MICALL2: variants seen among roughly 807,000 people sequenced by gnomAD.
The protein encoded by MICALL2 is MICAL-like protein 2.
MICALL2 carries 111 observed loss-of-function variants against 91.1 expected under a neutral mutation model. The observed-to-expected ratio is 1.22, with a 90% CI of 1.04 to 1.43. MICALL2 has a LOEUF of 1.43. Among genes scored for constraint, MICALL2 ranks in the 40% most tolerant of loss-of-function variants. The probability of loss-of-function intolerance (pLI) is 0.00; values close to 1 mark genes in which losing one functional copy is unlikely to be tolerated. For synonymous variants in MICALL2, 694 were observed against 525.3 expected, an observed-to-expected ratio of 1.32 and a Z score of -4.39; for missense variants, 1,556 against 1,236.0, an observed-to-expected ratio of 1.26 and a Z score of -3.88.
In MICALL2 at chr7:1,452,786, G is replaced by A. The variant is rs953003677; in HGVS notation, c.144-2498C>T. ...GGTCTGGGCTGCGAGTTCAAGCATC[G>A]CGGCCTCAGGATGAGGTTCAAGCTG... is the stretch of plus-strand genomic sequence containing the variant. On this transcript the variant is annotated intron_variant, in intron 1 of 16. Coordinates refer to ENST00000297508, the MANE Select transcript of MICALL2 (RefSeq NM_182924.4). This position sits in a 1 kb window ranked among gnomAD's most constrained non-coding sequence, Gnocchi z 6.2. Among the ~76,000 whole-genome samples, 8 of 152,126 alleles carry A rather than the reference G, an allele frequency of 5.3e-5. No homozygotes were observed. The highest frequency in any genetic ancestry group is 2.1e-4 in the South Asian group (1 of 4,832).
In MICALL2 at chr7:1,436,767, C is replaced by A; in HGVS notation, c.2566G>T (p.Asp856Tyr). The stretch of plus-strand genomic sequence containing the variant: ...CGGAGCCGGTCCTCGTCCAGCGAGT[C>A]CACGATGTCACTGCGGTCGTTCACG... ...STVNDRSDIVDSLDEDRLREQ... is the reference protein window; with the variant it reads ...STVNDRSDIVYSLDEDRLREQ... Residue 856 changes from aspartate (D) to tyrosine (Y), a missense_variant, in exon 15 of 17, where the codon GAC (aspartate) becomes TAC (tyrosine). By Grantham distance (160) the Asp-to-Tyr change is radical. Transcript: ENST00000297508. 1 of 1,608,296 alleles carries A rather than the reference C, an allele frequency of 6.2e-7. No individual in the cohort carries two copies. Among genetic ancestry groups the A allele is most frequent in the Non-Finnish European group, 8.5e-7 (1 of 1,178,444 alleles).
rs560184581 is a variant in MICALL2, at chr7:1,434,781, C to T, written c.2639-109G>A. 4.8e-4 allele frequency: 554 copies of T among 1,163,712 alleles called. 2 individuals carry two copies. The African/African-American group carries it at 6.7e-3, about 14-fold the overall frequency. 72.1% of individuals were successfully genotyped at this position (1,163,712 alleles called of 1,614,324 possible). A position where few individuals can be genotyped will look rare whatever the true frequency, so the allele number is the denominator to read the frequency against. On this transcript the variant is annotated intron_variant, in intron 16 of 16. Transcript: ENST00000297508. ...TCCTTCCCTTCCACTGGCCACAATC[C>T]GCCCTGGGCCTCCGAGCCTGCAGGA...
rs564656782 is a variant in MICALL2 at position 1,446,901 on chromosome 7, G to A, written c.526-73C>T. On this transcript the variant is annotated intron_variant, in intron 4 of 16. Coordinates refer to ENST00000297508, the MANE Select transcript of MICALL2 (RefSeq NM_182924.4). ...CCCTCCTGGTGGCAGCCCACAGGTGGCCGGAAGAGCCCATCTTACAGATGG... is the reference window on the plus strand; with the variant it reads ...CCCTCCTGGTGGCAGCCCACAGGTGACCGGAAGAGCCCATCTTACAGATGG... 695 of 1,048,384 alleles carry A rather than the reference G, an allele frequency of 6.6e-4. 2 individuals carry two copies. The highest frequency in any genetic ancestry group is 9.0e-4 in the Non-Finnish European group (657 of 727,004). 64.9% of individuals were successfully genotyped at this position (1,048,384 alleles called of 1,614,324 possible).
At chr7:1,435,578 G>A (rs901579074) in intron 15 of MICALL2, among the ~76,000 whole-genome samples, 19 of 152,182 alleles carry the variant, frequency 1.2e-4, no homozygotes, top group African/African-American at 2.4e-4. Flanking sequence ...GAAGGGCCTC[G>A]GCCGACCCAT....
At chr7:1,457,076 C>G (rs1584239471) in intron 1 of MICALL2, among the ~76,000 whole-genome samples, 1 of 152,292 alleles carries the variant, frequency 6.6e-6, no homozygotes, top group Middle Eastern at 3.4e-3. Context: ...CCTGCCTCTT[C>G]CAGCCCAGGA....
intron 6 of MICALL2, among the ~76,000 whole-genome samples, chr7:1,442,940 C>CGCCAGACACACAGACACAGG (rs1337416942): frequency 3.3e-5 from 5 of 152,118 alleles, no homozygotes; most frequent in African/African-American, 4.8e-5. Context: ...TCTCTGGCCC[C>CGCCAGACACACAGACACAGG]GCCAGACACA....
Position 1,459,466 on chromosome 7 carries a change from G to A in MICALL2, c.-140C>T, listed in dbSNP as rs888578218. Reference sequence around the variant, plus strand: ...CACGGCGCCCAGCCCCAGCTGAGCCGGACTGAGGGCGACGAGTGCCGGGTC... The same window carrying A: ...CACGGCGCCCAGCCCCAGCTGAGCCAGACTGAGGGCGACGAGTGCCGGGTC... On this transcript the variant is annotated 5_prime_UTR_variant, in exon 1 of 17. Coordinates refer to ENST00000297508, the MANE Select transcript of MICALL2 (RefSeq NM_182924.4). 1.6e-4 allele frequency: 119 copies of A among 755,304 alleles called. No homozygotes were observed. In the East Asian group the frequency reaches 3.6e-3, roughly 23 times the overall value. 46.8% of individuals were successfully genotyped at this position (755,304 alleles called of 1,614,324 possible). A position where few individuals can be genotyped will look rare whatever the true frequency, so the allele number is the denominator to read the frequency against.
At position 1,436,791 on chromosome 7, in the gene MICALL2, C is replaced by T. The variant is rs762748741; in HGVS notation, c.2542G>A (p.Val848Met). The T allele has an allele frequency of 4.4e-6, 7 of 1,608,712 alleles. No homozygotes were observed. Among genetic ancestry groups the T allele is most frequent in the South Asian group, 3.3e-5 (3 of 90,782 alleles). ...QELLEQYVST[V>M]NDRSDIVDSL... The stretch of plus-strand genomic sequence containing the variant: ...TCCACGATGTCACTGCGGTCGTTCA[C>T]GGTGCTCACGTACTGCTCCAGCAGC... The change falls in exon 15 of 17, where the codon GTG becomes ATG. Residue 848 changes from valine to methionine, a missense_variant. Coordinates refer to ENST00000297508, the MANE Select transcript of MICALL2 (RefSeq NM_182924.4).
Position 1,440,649 on chromosome 7 carries a change from C to G in MICALL2, c.1747G>C (p.Gly583Arg). The change falls in exon 8 of 17, where the codon GGG becomes CGG. Residue 583 changes from glycine to arginine, a missense_variant. Physicochemically the swap from Gly to Arg is moderately radical, Grantham distance 125. Coordinates refer to ENST00000297508, the MANE Select transcript of MICALL2 (RefSeq NM_182924.4). ...STSLQEGQEDGPAGWRANLKP... is the reference protein window; with the variant it reads ...STSLQEGQEDRPAGWRANLKP... Reference sequence around the variant, plus strand: ...AGATTCGCTCTCCATCCTGCCGGCCCGTCCTCCTGGCCTTCCTGGAGGCTG... The same window carrying G: ...AGATTCGCTCTCCATCCTGCCGGCCGGTCCTCCTGGCCTTCCTGGAGGCTG... 1 of 1,612,598 alleles carries G rather than the reference C, an allele frequency of 6.2e-7. No individual in the cohort carries two copies.
Position 1,445,344 on chromosome 7 carries a change from G to A in MICALL2, c.726C>T (p.Leu242=). Residue 242 remains leucine (L), a synonymous_variant, in exon 6 of 17, where the codon CTC becomes CTT. Transcript: ENST00000297508. ...EPGTFVCTSH[L]PAAASASPKL... ...TGGGGCTTGCAGAGGCGGCTGCGGG[G>A]AGGTGGCTGGTGCAGACGAAGGTGC... 6.2e-7 allele frequency: 1 copy of A among 1,603,248 alleles called. No individual in the cohort carries two copies. The highest frequency in any genetic ancestry group is 2.2e-5 in the East Asian group (1 of 44,684).
Position 1,445,222 on chromosome 7 carries a change from C to A in MICALL2, c.848G>T (p.Arg283Ile). The A allele has an allele frequency of 1.9e-6, 3 of 1,610,146 alleles. No individual in the cohort carries two copies. The highest frequency in any genetic ancestry group is 2.5e-6 in the Non-Finnish European group (3 of 1,178,912). Residue 283 changes from arginine (R) to isoleucine (I), a missense_variant, in exon 6 of 17, where the codon AGA becomes ATA. Transcript: ENST00000297508. ...CGCAGCAGGCTCCCAGGCCGACGGT[C>A]TGGCCTTGTTTGCCTCCTGGGCCTT... ...PQKAQEANKA[R>I]PSAWEPAAGN...
At chr7:1,440,950 C>T (rs1214607682) in intron 7 of MICALL2, 13 of 478,632 alleles carry the variant, frequency 2.7e-5, no homozygotes, top group South Asian at 4.1e-5. Flanking sequence ...TGGGTGGGGA[C>T]GTGGCAGGGT....
chr7:1,457,106 C>T (rs1036314712), intron 1 of MICALL2, among the ~76,000 whole-genome samples: 2 of 152,170 alleles, frequency 1.3e-5, no homozygotes, highest in African/African-American at 4.8e-5. Flanking sequence ...CTTGTGGCTG[C>T]ACCTCTCTGA....
chr7:1,436,109 G>A (rs949385426), intron 15 of MICALL2, among the ~76,000 whole-genome samples: 2 of 151,514 alleles, frequency 1.3e-5, no homozygotes, highest in African/African-American at 4.9e-5. Context: ...AGACTTTACG[G>A]CCAGTTACGG....
intron 8 of MICALL2, 145 bp from the exon 9 acceptor site, chr7:1,440,230 C>T: frequency 2.1e-6 from 2 of 943,572 alleles, no homozygotes; most frequent in South Asian, 3.2e-5. Context: ...ACTGACTACA[C>T]CTGCTGGGAC....
intron 6 of MICALL2, 72 bp from the exon 7 acceptor site, chr7:1,442,556 C>A: frequency 7.1e-7 from 1 of 1,404,520 alleles, no homozygotes; most frequent in Non-Finnish European, 9.6e-7. Context: ...GAGGCCGCCC[C>A]TCTGCCTCCC....
In MICALL2 at chr7:1,444,859, G is replaced by A. The variant is rs777603305; in HGVS notation, c.1211C>T (p.Pro404Leu). Residue 404 changes from proline (P) to leucine (L), a missense_variant, in exon 6 of 17, where the codon CCA becomes CTA. Coordinates refer to ENST00000297508, the MANE Select transcript of MICALL2 (RefSeq NM_182924.4). ...CCTGGAGGCGGACGGGGTCCAGGCT[G>A]GGGGGTCCACCGTGGCTGCAGATGT... The part of the protein sequence containing the change: ...SSTSAATVDP[P>L]AWTPSASRTQ... 7 of 1,601,126 alleles carry A rather than the reference G, an allele frequency of 4.4e-6. No individual in the cohort carries two copies. Among genetic ancestry groups the A allele is most frequent in the Non-Finnish European group, 6.0e-6 (7 of 1,176,026 alleles).
At chr7:1,442,081 G>A (rs1780307988) in intron 7 of MICALL2, 111 bp downstream of exon 7, 4 of 1,235,364 alleles carry the variant, frequency 3.2e-6, no homozygotes, top group Non-Finnish European at 4.6e-6. Context: ...GAGACGGAGA[G>A]GAAGGCGGGC....
Position 1,439,802 on chromosome 7 carries a change from C to T in MICALL2, c.1966+123G>A, listed in dbSNP as rs540040491. 1.4e-4 allele frequency: 107 copies of T among 771,304 alleles called. 2 individuals are homozygous for T. The South Asian group carries it at 3.3e-3, about 24-fold the overall frequency. 47.8% of individuals were successfully genotyped at this position (771,304 alleles called of 1,614,324 possible). On this transcript the variant is annotated intron_variant, in intron 9 of 16. Coordinates refer to ENST00000297508, the MANE Select transcript of MICALL2 (RefSeq NM_182924.4). ...TGCCCAGGACTACCAGCTTCTCTGGCTGACCGGAGCGCCTCTCCGCACACC... is the reference window on the plus strand; with the variant it reads ...TGCCCAGGACTACCAGCTTCTCTGGTTGACCGGAGCGCCTCTCCGCACACC...
Sources: gnomAD v4.1 joint callset for allele counts (sites outside exome capture counted in the v4.1 genomes callset) on GRCh38, gnomAD v4.1.1 for gene constraint, Gnocchi (gnomAD v3.1) non-coding constraint, MANE v1.5 for transcripts, NCBI Gene and HGNC (gene_info 2026-07-23, HGNC 2026-07-21) for gene names.